Variants in CACNA2D1 observed in about 807,000 individuals in gnomAD.
The protein encoded by CACNA2D1 is voltage-dependent calcium channel subunit alpha-2/delta-1.
A neutral mutation model predicts 171.5 loss-of-function variants in CACNA2D1; 53 were observed. The ratio of observed to expected loss-of-function variants is 0.31; its 90% CI spans 0.25 to 0.39. CACNA2D1 has a LOEUF of 0.39. Among genes scored for constraint, CACNA2D1 ranks in the 10% least tolerant of loss-of-function variants. The pLI, the probability that CACNA2D1 is intolerant of heterozygous loss-of-function variation, is 1.00. For synonymous variants in CACNA2D1, 442 were observed against 443.1 expected (o/e 1.00, Z 0.03); for missense variants, 903 against 1,299.8 (o/e 0.69, Z 4.69).
intron 10 of CACNA2D1, among the ~76,000 whole-genome samples, chr7:82,053,545 CATAAACAA>C (rs1214331950): frequency 6.6e-6 from 1 of 151,908 alleles, no homozygotes; most frequent in Non-Finnish European, 1.5e-5. Context: ...AAATAAGAGC[CATAAACAA>C]GTAAATAAGT....
intron 3 of CACNA2D1, among the ~76,000 whole-genome samples, chr7:82,252,480 T>C (rs1315046313): frequency 2.0e-5 from 3 of 152,226 alleles, no homozygotes. Context: ...GAATGCCCGC[T>C]GCACTCATCA....
chr7:82,194,406 C>T (rs1334608345), intron 3 of CACNA2D1, among the ~76,000 whole-genome samples: 1 of 151,900 alleles, frequency 6.6e-6, no homozygotes, highest in Non-Finnish European at 1.5e-5. Context: ...AAAAACAAAA[C>T]AAAAAAGTTT....
chr7:82,233,659 G>A (rs546112980), intron 3 of CACNA2D1, among the ~76,000 whole-genome samples: 150 of 152,022 alleles, frequency 9.9e-4, no homozygotes, highest in African/African-American at 3.5e-3. Flanking sequence ...ATCAGTTGGC[G>A]CATACTATAC....
At chr7:82,040,427 A>G (rs1803796449) in intron 10 of CACNA2D1, among the ~76,000 whole-genome samples, 1 of 148,428 alleles carries the variant, frequency 6.7e-6, no homozygotes, top group Admixed American at 6.8e-5. Context: ...GAGGCTCAAA[A>G]GAAGTCTTGG....
Position 82,433,678 on chromosome 7 carries a change from C to A in CACNA2D1, c.95+9687G>T, listed in dbSNP as rs1043077629. Among the ~76,000 whole-genome samples the A allele has an allele frequency of 3.3e-5, 5 of 152,190 alleles. No homozygotes were observed. In the South Asian group the frequency reaches 1.0e-3, roughly 31 times the overall value. On this transcript the variant is annotated intron_variant, in intron 1 of 38. Coordinates refer to ENST00000356860, the MANE Select transcript of CACNA2D1 (RefSeq NM_000722.4). ...ATCTCTCTGACATTTGGTCTTCTCC[C>A]TCTGAGATACTGGAATCTCCCTTCT...
chr7:82,141,309 C>CTT (rs2129087990), intron 4 of CACNA2D1, among the ~76,000 whole-genome samples: 1 of 151,770 alleles, frequency 6.6e-6, no homozygotes, highest in Non-Finnish European at 1.5e-5. Flanking sequence ...TGTTCTGATG[C>CTT]TTTTATAGAT....
At chr7:81,977,498 C>A (rs996886695) in intron 24 of CACNA2D1, among the ~76,000 whole-genome samples, 2 of 152,022 alleles carry the variant, frequency 1.3e-5, no homozygotes, top group African/African-American at 4.8e-5. Flanking sequence ...GGAAAAGATT[C>A]CCTATTTAAT....
rs1806582067 is a variant in CACNA2D1 at position 82,060,195 on chromosome 7, TATATATTATATATATA to T, written c.879+217_879+232del. On this transcript the variant is annotated intron_variant, in intron 10 of 38. Coordinates refer to ENST00000356860, the MANE Select transcript of CACNA2D1 (RefSeq NM_000722.4). ...ATATATATAATATATATATATTATA[TATATATTATATATATA>T]ATATATATATAATATATATATATAA... is the stretch of plus-strand genomic sequence containing the variant. 1.2e-3 allele frequency among the ~76,000 whole-genome samples: 13 copies of T among 10,726 alleles called. 4 individuals carry two copies. In the East Asian group the frequency reaches 0.046, roughly 38 times the overall value. The allele number at this position is 10,726 out of a possible 152,430, so 7.0% of individuals were successfully genotyped here.
intron 3 of CACNA2D1, among the ~76,000 whole-genome samples, chr7:82,256,663 T>C (rs1255760058): frequency 6.6e-6 from 1 of 152,200 alleles, no homozygotes. Flanking sequence ...TCTTTACTAA[T>C]GACTTTATTG....
chr7:82,347,622 C>T (rs979712102), intron 2 of CACNA2D1, among the ~76,000 whole-genome samples: 1 of 152,110 alleles, frequency 6.6e-6, no homozygotes, highest in Non-Finnish European at 1.5e-5. Context: ...AATACGGAAT[C>T]ATCTGTCTGT....
At chr7:81,976,716 T>C (rs1795889571) in intron 24 of CACNA2D1, among the ~76,000 whole-genome samples, 1 of 152,052 alleles carries the variant, frequency 6.6e-6, no homozygotes, top group Non-Finnish European at 1.5e-5. Context: ...TAGCCAGGCA[T>C]GGTGGTGGGC....
intron 3 of CACNA2D1, among the ~76,000 whole-genome samples, chr7:82,272,221 A>G (rs190155317): frequency 8.0e-4 from 122 of 152,326 alleles, no homozygotes; most frequent in African/African-American, 2.7e-3. Flanking sequence ...GAGTATTGGA[A>G]TATATGACAA....
At chr7:81,978,711 C>A (rs1796108975) in intron 24 of CACNA2D1, among the ~76,000 whole-genome samples, 1 of 150,486 alleles carries the variant, frequency 6.6e-6, no homozygotes, top group Non-Finnish European at 1.5e-5. Context: ...GTACGTCATG[C>A]ACATGTATCC....
chr7:82,065,001 G>A (rs1807428031), intron 8 of CACNA2D1, among the ~76,000 whole-genome samples: 1 of 152,200 alleles, frequency 6.6e-6, no homozygotes, highest in Middle Eastern at 3.4e-3. Flanking sequence ...CAGTGGTTGT[G>A]GAGAGAGATC....
At chr7:82,310,937 T>A (rs185719666) in intron 3 of CACNA2D1, among the ~76,000 whole-genome samples, 2 of 152,286 alleles carry the variant, frequency 1.3e-5, no homozygotes, top group East Asian at 3.9e-4. Context: ...CTTTGGGATG[T>A]TACAGAGGAC....
At chr7:82,321,017 T>C (rs1221549263) in intron 3 of CACNA2D1, among the ~76,000 whole-genome samples, 2 of 151,628 alleles carry the variant, frequency 1.3e-5, no homozygotes, top group African/African-American at 4.9e-5. Flanking sequence ...TAATGAACCT[T>C]TTAGCTCTAG....
At chr7:82,258,018 G>T (rs1437160063) in intron 3 of CACNA2D1, among the ~76,000 whole-genome samples, 1 of 152,098 alleles carries the variant, frequency 6.6e-6, no homozygotes, top group Admixed American at 6.6e-5. Context: ...GGAAGAGATG[G>T]GAGGCAAATG....
At chr7:82,361,372 T>C (rs967738406) in intron 1 of CACNA2D1, among the ~76,000 whole-genome samples, 2 of 152,186 alleles carry the variant, frequency 1.3e-5, no homozygotes, top group Non-Finnish European at 2.9e-5. Context: ...AGTTACAATT[T>C]TGAGCACTAT....
intron 3 of CACNA2D1, among the ~76,000 whole-genome samples, chr7:82,213,568 A>G (rs79090708): frequency 0.085 from 12,923 of 152,294 alleles, 736 homozygotes; most frequent in Non-Finnish European, 0.11. Context: ...CCTGCTTTCA[A>G]TTAAATAATA....
Sources: allele counts gnomAD v4.1 joint callset (sites outside exome capture counted in the v4.1 genomes callset), GRCh38; gene constraint gnomAD v4.1.1; transcripts MANE v1.5; gene names NCBI Gene and HGNC (gene_info 2026-07-23, HGNC 2026-07-21).